Variants in CEP112 observed in about 807,000 individuals in gnomAD.
CEP112 encodes the protein centrosomal protein of 112 kDa.
Under a neutral mutation model 153.0 loss-of-function variants are expected in CEP112, and 127 were observed. The observed-to-expected ratio is 0.83, with a 90% CI of 0.72 to 0.96. The LOEUF (loss-of-function observed/expected upper bound fraction) is 0.96. CEP112 is among the 40% of genes least tolerant of loss of function. CEP112 has a pLI of 0.00. For synonymous variants in CEP112, 358 were observed against 374.4 expected, an observed-to-expected ratio of 0.96 and a Z score of 0.51; for missense variants, 1,089 against 1,101.2, an observed-to-expected ratio of 0.99 and a Z score of 0.16.
intron 21 of CEP112, among the ~76,000 whole-genome samples, chr17:65,786,556 T>C (rs1268740239): frequency 6.6e-6 from 1 of 151,904 alleles, no homozygotes; most frequent in Non-Finnish European, 1.5e-5. Context: ...AAATGCTGTT[T>C]TGTCTTTAGC....
chr17:65,753,371 G>A (rs962675775), intron 21 of CEP112, among the ~76,000 whole-genome samples: 1 of 152,064 alleles, frequency 6.6e-6, no homozygotes, highest in East Asian at 1.9e-4. Context: ...CTCTTCTATC[G>A]CCTCAGTCCA....
chr17:66,092,165 A>G (rs1598334879), intron 8 of CEP112, among the ~76,000 whole-genome samples: 1 of 151,036 alleles, frequency 6.6e-6, no homozygotes, highest in African/African-American at 2.4e-5. Flanking sequence ...TCAGCCTCCC[A>G]AGTAGCTGGG....
chr17:65,783,982 T>C (rs1399412267), intron 21 of CEP112, among the ~76,000 whole-genome samples: 1 of 152,246 alleles, frequency 6.6e-6, no homozygotes, highest in Non-Finnish European at 1.5e-5. Context: ...TATTATTTTA[T>C]AACATGTAGA....
intron 22 of CEP112, among the ~76,000 whole-genome samples, chr17:65,743,426 C>A (rs1176762890): frequency 1.3e-5 from 2 of 152,162 alleles, no homozygotes; most frequent in Non-Finnish European, 2.9e-5. Context: ...AACTGCTGAA[C>A]CAAATATACT....
intron 6 of CEP112, among the ~76,000 whole-genome samples, chr17:66,124,629 T>C (rs529078644): frequency 1.3e-5 from 2 of 152,196 alleles, no homozygotes; most frequent in African/African-American, 4.8e-5. Flanking sequence ...AAAGATGGGC[T>C]GCTCTGTAAG....
intron 21 of CEP112, among the ~76,000 whole-genome samples, chr17:65,835,231 A>C (rs1181711788): frequency 6.6e-6 from 1 of 151,870 alleles, no homozygotes; most frequent in African/African-American, 2.4e-5. Context: ...GACATCAGCA[A>C]GTGAATGAAT....
At chr17:65,825,669 A>T (rs1178797971) in intron 21 of CEP112, among the ~76,000 whole-genome samples, 2 of 152,140 alleles carry the variant, frequency 1.3e-5, no homozygotes, top group Non-Finnish European at 2.9e-5. Context: ...ACTGTACAGT[A>T]AAAAAATAGT....
Position 65,750,661 on chromosome 17 carries a change from C to G in CEP112, c.2457+1G>C, listed in dbSNP as rs764939954. On this transcript the variant is annotated splice_donor_variant, in intron 22 of 26. Coordinates refer to ENST00000535342, the MANE Select transcript of CEP112 (RefSeq NM_001199165.4). LOFTEE classifies it high-confidence loss of function. ...GTTTTGTGTCTTTTAATGTTGCTTA[C>G]CTGTGAAGATTTGGCAAGCTTCTGA... 3.1e-6 allele frequency: 5 copies of G among 1,613,438 alleles called. No homozygotes were observed. The African/African-American group carries it at 6.7e-5, about 22-fold the overall frequency.
chr17:66,032,371 C>G (rs1485953900), intron 12 of CEP112, among the ~76,000 whole-genome samples: 1 of 149,070 alleles, frequency 6.7e-6, no homozygotes, highest in Non-Finnish European at 1.5e-5. Context: ...AAAAAAAACT[C>G]AGAAAAGCAC....
chr17:65,848,110 C>A (rs1016037874), intron 21 of CEP112, among the ~76,000 whole-genome samples: 3 of 152,150 alleles, frequency 2.0e-5, no homozygotes, highest in African/African-American at 7.2e-5. Context: ...TCCATTAGTC[C>A]CTTTGTGTAC....
chr17:65,970,310 C>T (rs553517062), intron 17 of CEP112, among the ~76,000 whole-genome samples: 4 of 110,970 alleles, frequency 3.6e-5, no homozygotes, highest in East Asian at 4.1e-4. Context: ...ATGTGTATCT[C>T]ATATGTAAAA....
rs57598697 is a variant in CEP112 at position 65,950,699 on chromosome 17, C to CTATTATTATTATTATTAGTAGTAG, written c.1872+10763_1872+10764insCTACTACTAATAATAATAATAATA. Among the ~76,000 whole-genome samples the CTATTATTATTATTATTAGTAGTAG allele has an allele frequency of 2.3e-3, 341 of 147,182 alleles. 4 individuals are homozygous for CTATTATTATTATTATTAGTAGTAG. The highest frequency in any genetic ancestry group is 0.02 in the East Asian group (96 of 4,894). ...CTTTCTTTCCATTCTGGATACATTA[C>CTATTATTATTATTATTAGTAGTAG]TAGTAGTAGTAGTAGTAGTAGTAGT... On this transcript the variant is annotated intron_variant, in intron 18 of 26. Coordinates refer to ENST00000535342, the MANE Select transcript of CEP112 (RefSeq NM_001199165.4).
chr17:65,962,340 T>C (rs2062235419), intron 17 of CEP112, among the ~76,000 whole-genome samples: 1 of 152,082 alleles, frequency 6.6e-6, no homozygotes, highest in Non-Finnish European at 1.5e-5. Context: ...TGCAGTGAAG[T>C]CAATGCAACA....
intron 23 of CEP112, among the ~76,000 whole-genome samples, chr17:65,725,996 T>C (rs2050158749): frequency 6.6e-6 from 1 of 152,088 alleles, no homozygotes; most frequent in South Asian, 2.1e-4. Flanking sequence ...AATGAAGTCT[T>C]TATGTTTGAG....
At chr17:65,874,337 A>G (rs1448086245) in intron 20 of CEP112, among the ~76,000 whole-genome samples, 2 of 152,156 alleles carry the variant, frequency 1.3e-5, no homozygotes, top group Admixed American at 6.5e-5. Flanking sequence ...GAAATTATTT[A>G]CAGAGGCTTA....
At chr17:66,033,979 T>C (rs1045438739) in intron 12 of CEP112, among the ~76,000 whole-genome samples, 1 of 152,192 alleles carries the variant, frequency 6.6e-6, no homozygotes, top group East Asian at 1.9e-4. Context: ...AAATACAATA[T>C]TCACAGGATG....
At chr17:66,125,378 G>A (rs892219730) in intron 6 of CEP112, among the ~76,000 whole-genome samples, 5 of 152,134 alleles carry the variant, frequency 3.3e-5, no homozygotes, top group African/African-American at 1.2e-4. Context: ...ACAGGAGTCA[G>A]GCATGGTGGT....
At chr17:65,853,392 C>T (rs930004982) in intron 20 of CEP112, among the ~76,000 whole-genome samples, 1 of 152,044 alleles carries the variant, frequency 6.6e-6, no homozygotes, top group Non-Finnish European at 1.5e-5. Flanking sequence ...TTAGGGCCCA[C>T]CTTAATCCAG....
chr17:66,144,359 G>T (rs2070833610), intron 4 of CEP112, among the ~76,000 whole-genome samples: 1 of 152,150 alleles, frequency 6.6e-6, no homozygotes, highest in South Asian at 2.1e-4. Context: ...GCCTGGCCAA[G>T]AATATTTCTG....
Sources: allele counts gnomAD v4.1 joint callset (sites outside exome capture counted in the v4.1 genomes callset), GRCh38; gene constraint gnomAD v4.1.1; transcripts MANE v1.5; gene names NCBI Gene and HGNC (gene_info 2026-07-23, HGNC 2026-07-21).